The following ASMTL variants were observed in gnomAD, a reference collection of about 807,000 sequenced individuals.
ASMTL encodes probable bifunctional dTTP/UTP pyrophosphatase/methyltransferase protein.
Under a neutral mutation model 60.3 loss-of-function variants are expected in ASMTL, and 57 were observed. The observed-to-expected ratio is 0.95, with a 90% CI of 0.76 to 1.18. The LOEUF (loss-of-function observed/expected upper bound fraction) is 1.18. Ranked by LOEUF, ASMTL falls within the 50% of genes most tolerant of loss-of-function variation. The pLI, the probability that ASMTL is intolerant of heterozygous loss-of-function variation, is 0.00. For synonymous variants in ASMTL, 419 were observed against 373.0 expected (o/e 1.12, Z -1.42); for missense variants, 981 against 852.6 (o/e 1.15, Z -1.88).
At chrX:1,412,210 A>T (rs1306225318) in intron 12 of ASMTL, among the ~76,000 whole-genome samples, 3 of 151,624 alleles carry the variant, frequency 2.0e-5, no homozygotes, top group African/African-American at 2.4e-5. Context: ...AAAGTCACAT[A>T]AGCCAATTCT....
intron 2 of ASMTL, 43 bp from the exon 3 acceptor site, chrX:1,439,187 G>A (rs1442474056): frequency 6.2e-7 from 1 of 1,606,434 alleles, no homozygotes; most frequent in African/African-American, 1.3e-5. Context: ...ACGTGCCGTG[G>A]GTCTCACAGA....
intron 11 of ASMTL, among the ~76,000 whole-genome samples, chrX:1,415,496 G>A (rs1332941840): frequency 7.7e-6 from 1 of 129,164 alleles, no homozygotes; most frequent in Admixed American, 8.5e-5. Context: ...ATGGAGTTTC[G>A]CTCTTGTTGC....
At position 1,442,290 on chromosome X, in the gene ASMTL, T is replaced by G. The variant is rs755611012; in HGVS notation, c.121A>C (p.Lys41Gln). ...GCTTTGTCCAGCTTCTCTTTAAACT[T>G]GGAGGGGACCACCTCAAACCTGAGA... is the stretch of plus-strand genomic sequence containing the variant. ...AGLRFEVVPSKFKEKLDKASF... is the reference protein window; with the variant it reads ...AGLRFEVVPSQFKEKLDKASF... Residue 41 changes from lysine (K) to glutamine (Q), a missense_variant, in exon 2 of 13, where the codon AAG becomes CAG. Coordinates refer to ENST00000381317, the MANE Select transcript of ASMTL (RefSeq NM_004192.4). The G allele has an allele frequency of 3.1e-6, 5 of 1,613,816 alleles. No individual in the cohort carries two copies. In the South Asian group the frequency reaches 4.4e-5, roughly 14 times the overall value.
intron 11 of ASMTL, 123 bp from the exon 12 acceptor site, chrX:1,412,977 G>C (rs2090092061): frequency 5.5e-6 from 6 of 1,083,090 alleles, no homozygotes; most frequent in Non-Finnish European, 7.0e-6. Context: ...GTGTGGGCGG[G>C]AATGGGTCTT....
intron 11 of ASMTL, 31 bp downstream of exon 11, chrX:1,417,942 G>C (rs768266641): frequency 8.2e-6 from 13 of 1,582,508 alleles, no homozygotes; most frequent in Non-Finnish European, 1.0e-5. Flanking sequence ...GTCTGGAAAA[G>C]GTTAGCAGGG....
At chrX:1,411,788 T>TTTTCTC (rs1370113975) in intron 12 of ASMTL, among the ~76,000 whole-genome samples, 1 of 151,016 alleles carries the variant, frequency 6.6e-6, no homozygotes, top group African/African-American at 2.4e-5. Context: ...AGTAAATATA[T>TTTTCTC]TTTCTCTTTA....
chrX:1,416,765 GCA>G (rs377165881), intron 11 of ASMTL, among the ~76,000 whole-genome samples: 139 of 85,662 alleles, frequency 1.6e-3, no homozygotes, highest in African/African-American at 5.0e-3. Flanking sequence ...ACAGACACAT[GCA>G]CACACAGACG....
rs377280770 is a variant in ASMTL at position 1,443,321 on chromosome X, T to A, written c.94-1004A>T. The stretch of plus-strand genomic sequence containing the variant: ...GCCATCTTGGACACACACCGCCATC[T>A]TGGACACACACCGCCATCTTGGACA... On this transcript the variant is annotated intron_variant, in intron 1 of 12. Coordinates refer to ENST00000381317, the MANE Select transcript of ASMTL (RefSeq NM_004192.4). Among the ~76,000 whole-genome samples, 366 of 45,118 alleles carry A rather than the reference T, an allele frequency of 8.1e-3. 40 individuals are homozygous for A. The highest frequency in any genetic ancestry group is 0.042 in the East Asian group (12 of 286). The allele number at this position is 45,118 out of a possible 152,430, so 29.6% of individuals were successfully genotyped here.
rs1241076756 is a variant in ASMTL, at chrX:1,427,582, C to G, written c.897+152G>C. 5 of 787,130 alleles carry G rather than the reference C, an allele frequency of 6.4e-6. No homozygotes were observed. The African/African-American group carries it at 8.6e-5, about 14-fold the overall frequency. The allele number at this position is 787,130 out of a possible 1,614,324, so 48.8% of individuals were successfully genotyped here. ...GGAGCTGGGAGAGGCAGGAAGGACC[C>G]TCTCCTAGAACCTTCGGAGAAAGCA... On this transcript the variant is annotated intron_variant, in intron 7 of 12. Transcript: ENST00000381317.
chrX:1,410,680 G>C (rs1178042463), intron 12 of ASMTL, among the ~76,000 whole-genome samples: 2 of 151,882 alleles, frequency 1.3e-5, no homozygotes, highest in African/African-American at 2.4e-5. Flanking sequence ...CCAAAGTGCT[G>C]GGATTACAGG....
At chrX:1,417,229 A>C (rs2090319550) in intron 11 of ASMTL, among the ~76,000 whole-genome samples, 1 of 151,494 alleles carries the variant, frequency 6.6e-6, no homozygotes, top group South Asian at 2.1e-4. Context: ...AGGGACACAC[A>C]ACCACAGCAG....
At chrX:1,427,628 C>T (rs2090646132) in intron 7 of ASMTL, 106 bp downstream of exon 7, 8 of 1,285,556 alleles carry the variant, frequency 6.2e-6, no homozygotes, top group Non-Finnish European at 6.4e-6. Flanking sequence ...ACAACCTGAC[C>T]TCAGACTGCC....
At chrX:1,403,810 TA>T (rs2089685506) in intron 12 of ASMTL, among the ~76,000 whole-genome samples, 1 of 152,028 alleles carries the variant, frequency 6.6e-6, no homozygotes, top group African/African-American at 2.4e-5. Context: ...GATGTATGGA[TA>T]GGTGGACGCA....
chrX:1,426,936 T>TG (rs1163750134), intron 7 of ASMTL, among the ~76,000 whole-genome samples: 1 of 151,692 alleles, frequency 6.6e-6, no homozygotes, highest in African/African-American at 2.4e-5. Context: ...TGAGCCGAGA[T>TG]CATGCCACTG....
At position 1,427,854 on chromosome X, in the gene ASMTL, C is replaced by T; in HGVS notation, c.777G>A (p.Lys259=). The T allele has an allele frequency of 6.2e-7, 1 of 1,613,364 alleles. No homozygotes were observed. Among genetic ancestry groups the T allele is most frequent in the South Asian group, 1.1e-5 (1 of 91,064 alleles). The change falls in exon 7 of 13, where the codon AAG becomes AAA. Residue 259 remains lysine (K), a synonymous_variant. Coordinates refer to ENST00000381317, the MANE Select transcript of ASMTL (RefSeq NM_004192.4). ...CCTGTCCCGCCTCTCCCGCCTCGGC[C>T]TTCTCATCGCGGCTGCCCGCGTCCC... ...TQRDAGSRDE[K]AEAGEAGQAT...
chrX:1,412,946 T>G (rs2090089480), intron 11 of ASMTL, 92 bp from the exon 12 acceptor site: 2 of 1,403,752 alleles, frequency 1.4e-6, no homozygotes, highest in Non-Finnish European at 2.0e-6. Flanking sequence ...GCATCCTAAA[T>G]CAGGGACAGA....
At chrX:1,413,087 G>T (rs1257938748) in intron 11 of ASMTL, 7 of 565,928 alleles carry the variant, frequency 1.2e-5, no homozygotes, top group Non-Finnish European at 1.6e-5. Flanking sequence ...AAAACGCTGG[G>T]GACAGTGGCT....
intron 12 of ASMTL, among the ~76,000 whole-genome samples, chrX:1,407,551 G>C (rs1374025902): frequency 6.6e-6 from 1 of 151,918 alleles, no homozygotes; most frequent in Non-Finnish European, 1.5e-5. Context: ...ATGGATGGAT[G>C]GATAGATAAT....
chrX:1,446,770 A>G (rs2091239599), intron 1 of ASMTL, among the ~76,000 whole-genome samples: 1 of 152,088 alleles, frequency 6.6e-6, no homozygotes, highest in Non-Finnish European at 1.5e-5. Context: ...AACTGCTGGG[A>G]TTACAGGCAT....
Sources: allele counts gnomAD v4.1 joint callset (sites outside exome capture counted in the v4.1 genomes callset), GRCh38; gene constraint gnomAD v4.1.1; transcripts MANE v1.5; gene names NCBI Gene and HGNC (gene_info 2026-07-23, HGNC 2026-07-21).